Variants in AMZ1 observed in about 807,000 individuals in gnomAD.
AMZ1 encodes the protein archaelysin family metallopeptidase 1.
Under a neutral mutation model 29.9 loss-of-function variants are expected in AMZ1, and 39 were observed. That is an observed-to-expected ratio of 1.30 (90% CI 1.01 to 1.70). The LOEUF (loss-of-function observed/expected upper bound fraction) is 1.70. Ranked by LOEUF, AMZ1 falls within the 40% of genes most tolerant of loss-of-function variation. AMZ1 has a pLI of 0.00. For synonymous variants in AMZ1, 458 were observed against 304.0 expected, an observed-to-expected ratio of 1.51 and a Z score of -5.27; for missense variants, 1,041 against 680.6, an observed-to-expected ratio of 1.53 and a Z score of -5.89.
Position 2,718,185 on chromosome 7 carries a change from A to C in AMZ1, c.*5307A>C, listed in dbSNP as rs1158889562. Among the ~76,000 whole-genome samples, 1 of 152,152 alleles carries C rather than the reference A, an allele frequency of 6.6e-6. No individual in the cohort carries two copies. Among genetic ancestry groups the C allele is most frequent in the African/African-American group, 2.4e-5 (1 of 41,434 alleles). ...AATGAACGCACTTCTGTCACATGGA[A>C]ACTGAGCCCGGCATGGAGTCACGTG... On this transcript the variant is annotated 3_prime_UTR_variant, in exon 7 of 7. Coordinates refer to ENST00000683327, the MANE Select transcript of AMZ1 (RefSeq NM_001384743.1).
Position 2,715,119 on chromosome 7 carries a change from C to G in AMZ1, c.*2241C>G, listed in dbSNP as rs10228264. 1 of 151,888 alleles carries G rather than the reference C, an allele frequency of 6.6e-6. No individual in the cohort carries two copies. Among genetic ancestry groups the G allele is most frequent in the Non-Finnish European group, 1.5e-5 (1 of 67,990 alleles). 9.4% of individuals were successfully genotyped at this position (151,888 alleles called of 1,614,324 possible). On this transcript the variant is annotated 3_prime_UTR_variant, in exon 7 of 7. Coordinates refer to ENST00000683327, the MANE Select transcript of AMZ1 (RefSeq NM_001384743.1). ...GCGGTTGCCCTCCTAAGGTGGACAT[C>G]GGGAGGGTCAGATGGAAGCTCTGTG...
rs994493504 is a variant in AMZ1 at position 2,719,124 on chromosome 7, G to A, written c.*6246G>A. 6.6e-6 allele frequency among the ~76,000 whole-genome samples: 1 copy of A among 151,832 alleles called. No individual in the cohort carries two copies. The highest frequency in any genetic ancestry group is 2.4e-5 in the African/African-American group (1 of 41,324). On this transcript the variant is annotated 3_prime_UTR_variant, in exon 7 of 7. Coordinates refer to ENST00000683327, the MANE Select transcript of AMZ1 (RefSeq NM_001384743.1). ...CTTGGGCGCCCCCTTGTGAGGGCTCGAGGCCTTTACTGGATGGGCAGGATG... is the reference window on the plus strand; with the variant it reads ...CTTGGGCGCCCCCTTGTGAGGGCTCAAGGCCTTTACTGGATGGGCAGGATG...
At chr7:2,687,948 G>A (rs6979773), upstream of AMZ1, among the ~76,000 whole-genome samples, 20,480 of 152,176 alleles carry the variant, frequency 0.13, 1,732 homozygotes, top group East Asian at 0.39. Context: ...CTCACCTGGG[G>A]AGGCACGAAC....
chr7:2,688,794 C>T (rs1787208716), intron 1 of AMZ1, among the ~76,000 whole-genome samples: 5 of 152,196 alleles, frequency 3.3e-5, no homozygotes, highest in Admixed American at 3.3e-4. Flanking sequence ...AGAAGGCTTC[C>T]TCCCCCAGGA....
chr7:2,736,238 A>T (rs1489015735), intron 4 of AMZ1, among the ~76,000 whole-genome samples: 6 of 152,206 alleles, frequency 3.9e-5, no homozygotes, highest in Non-Finnish European at 8.8e-5. Flanking sequence ...GCCTGCCAAG[A>T]CGAGCCCAGA....
upstream of AMZ1, among the ~76,000 whole-genome samples, chr7:2,761,509 G>A (rs1489761469): frequency 6.6e-6 from 1 of 152,200 alleles, no homozygotes; most frequent in African/African-American, 2.4e-5. Context: ...ATGCAATTCA[G>A]GATGACTAAA....
intron 3 of AMZ1, among the ~76,000 whole-genome samples, chr7:2,707,310 A>G (rs1424052814): frequency 2.0e-5 from 3 of 151,668 alleles, no homozygotes; most frequent in African/African-American, 7.3e-5. Flanking sequence ...ACACACACAG[A>G]ACAACCTCCT....
rs753455707 is a variant in AMZ1, at chr7:2,733,435, G to A, written n.550+23619G>A. The A allele has an allele frequency of 3.2e-5, 52 of 1,611,424 alleles. No homozygotes were observed. The South Asian group carries it at 3.6e-4, about 11-fold the overall frequency. Reference sequence around the variant, plus strand: ...ACCCTGGAGCCCAGCTTCTTCGGGCGGGCGTGCTTACTCACCAGCTGGCCG... The same window carrying A: ...ACCCTGGAGCCCAGCTTCTTCGGGCAGGCGTGCTTACTCACCAGCTGGCCG... On this transcript the variant is annotated intron_variant and non_coding_transcript_variant, in intron 4 of 4. Coordinates refer to the AMZ1 transcript ENST00000489665.
intron 4 of AMZ1, among the ~76,000 whole-genome samples, chr7:2,734,964 G>A (rs191960640): frequency 6.6e-6 from 1 of 152,232 alleles, no homozygotes; most frequent in African/African-American, 2.4e-5. Context: ...TCCCTTCCTC[G>A]CCAAGCCCCC....
chr7:2,712,105 C>G (rs1464867212), intron 6 of AMZ1, among the ~76,000 whole-genome samples: 1 of 152,134 alleles, frequency 6.6e-6, no homozygotes, highest in Admixed American at 6.5e-5. Context: ...TTGCGAAGTT[C>G]CTGAATGGTG....
Position 2,701,213 on chromosome 7 carries a change from G to A in AMZ1, c.304+458G>A, listed in dbSNP as rs371976499. Among the ~76,000 whole-genome samples, 9 of 150,892 alleles carry A rather than the reference G, an allele frequency of 6.0e-5. No homozygotes were observed. The East Asian group carries it at 1.2e-3, about 19-fold the overall frequency. On this transcript the variant is annotated intron_variant, in intron 2 of 6. Transcript: ENST00000683327. ...GCCACTGCATTCCAGCCTGGGTGAC[G>A]GAGTGAGACTGTCTCAAAAAAAAAA...
In AMZ1 at chr7:2,700,660, G is replaced by A. The variant is rs141821781; in HGVS notation, c.209G>A (p.Arg70Gln). The change falls in exon 2 of 7, where the codon CGA becomes CAA. Residue 70 changes from arginine (R) to glutamine (Q), a missense_variant. Transcript: ENST00000683327. The stretch of plus-strand genomic sequence containing the variant: ...ACGGGCTTCGACTGGCTCCTGAGCC[G>A]ACCCGAGGCTCCCGAGGACTTCCAG... ...IRTGFDWLLS[R>Q]PEAPEDFQTF... 445 of 1,612,342 alleles carry A rather than the reference G, an allele frequency of 2.8e-4. No individual in the cohort carries two copies. Among genetic ancestry groups the A allele is most frequent in the Non-Finnish European group, 3.5e-4 (417 of 1,180,002 alleles).
chr7:2,708,704 C>G lies in AMZ1; in HGVS notation c.589C>G (p.Leu197Val), dbSNP rs757148494. ...CTGGAGCTTCACCTTCAGCAAGTTC[C>G]TTCCAGGGCACGGTGAGCCGGGGCC... ...EAWSFTFSKF[L>V]PGHEVGVCSF... The change falls in exon 4 of 7, where the codon CTT (leucine) becomes GTT (valine). Residue 197 changes from leucine (L) to valine (V), a missense_variant. By Grantham distance (32) the Leu-to-Val change is conservative (BLOSUM62 1). Coordinates refer to ENST00000683327, the MANE Select transcript of AMZ1 (RefSeq NM_001384743.1). The G allele has an allele frequency of 6.2e-7, 1 of 1,612,736 alleles. No individual in the cohort carries two copies. The highest frequency in any genetic ancestry group is 1.3e-5 in the African/African-American group (1 of 74,926).
chr7:2,699,540 C>CCA (rs1787930524), intron 1 of AMZ1, among the ~76,000 whole-genome samples: 1 of 151,906 alleles, frequency 6.6e-6, no homozygotes, highest in South Asian at 2.1e-4. Context: ...CGCCCCCCCC[C>CCA]AAACATATGC....
intron 2 of AMZ1, 151 bp from the exon 3 acceptor site, chr7:2,702,571 C>G (rs1788111306): frequency 1.2e-6 from 1 of 847,298 alleles, no homozygotes; most frequent in African/African-American, 1.7e-5. Context: ...GCTTTCCATC[C>G]CTTTTCTAAG....
At chr7:2,732,719 A>G (rs1361208471) in intron 4 of AMZ1, among the ~76,000 whole-genome samples, 2 of 152,234 alleles carry the variant, frequency 1.3e-5, no homozygotes, top group Admixed American at 1.3e-4. Flanking sequence ...AACATCTTCA[A>G]TAACACTGCA....
rs1490553327 is a variant in AMZ1, at chr7:2,717,638, T to C, written c.*4760T>C. On this transcript the variant is annotated 3_prime_UTR_variant, in exon 7 of 7. Transcript: ENST00000683327. ...CAAAGATAAACACCGCAGGGTAATC[T>C]AGGAAACACTTCCGGCTTGACTGTA... Among the ~76,000 whole-genome samples, 5 of 152,176 alleles carry C rather than the reference T, an allele frequency of 3.3e-5. No homozygotes were observed. The highest frequency in any genetic ancestry group is 5.9e-5 in the Non-Finnish European group (4 of 68,026).
intron 4 of AMZ1, among the ~76,000 whole-genome samples, chr7:2,754,536 G>GATATAT (rs1410097880): frequency 6.6e-6 from 1 of 151,734 alleles, no homozygotes; most frequent in Non-Finnish European, 1.5e-5. Context: ...TGAGCTTAGG[G>GATATAT]GCTCGAAACC....
intron 4 of AMZ1, among the ~76,000 whole-genome samples, chr7:2,759,389 T>C (rs937714529): frequency 1.3e-5 from 2 of 152,180 alleles, no homozygotes; most frequent in Non-Finnish European, 2.9e-5. Context: ...ATCACCTTCA[T>C]TCTCACAATA....
Sources: gnomAD v4.1 joint callset for allele counts (sites outside exome capture counted in the v4.1 genomes callset) on GRCh38, gnomAD v4.1.1 for gene constraint, MANE v1.5 for transcripts, NCBI Gene and HGNC (gene_info 2026-07-23, HGNC 2026-07-21) for gene names.